ZMIZ1: variants seen among roughly 807,000 people sequenced by gnomAD.
ZMIZ1 encodes the protein zinc finger MIZ-type containing 1, also known as zinc finger MIZ domain-containing protein 1.
Under a neutral mutation model 113.9 loss-of-function variants are expected in ZMIZ1, and 17 were observed. The observed-to-expected ratio is 0.15, with a 90% CI of 0.10 to 0.22. The LOEUF is 0.22. ZMIZ1 is among the 10% of genes least tolerant of loss of function. The pLI is 1.00. For synonymous variants in ZMIZ1, 607 were observed against 603.1 expected, an observed-to-expected ratio of 1.01 and a Z score of -0.09; for missense variants, 1,059 against 1,477.8, an observed-to-expected ratio of 0.72 and a Z score of 4.65.
intron 6 of ZMIZ1, among the ~76,000 whole-genome samples, chr10:79,213,594 T>C (rs1848606464): frequency 6.6e-6 from 1 of 152,212 alleles, no homozygotes; most frequent in South Asian, 2.1e-4. Flanking sequence ...TATTTTTTCC[T>C]TTTTAACTAG....
At chr10:79,208,049 G>A (rs1372133343) in intron 5 of ZMIZ1, among the ~76,000 whole-genome samples, 2 of 149,998 alleles carry the variant, frequency 1.3e-5, no homozygotes, top group Admixed American at 6.6e-5. Flanking sequence ...GGGTGGGGAT[G>A]GGGGTAGAGG....
intron 12 of ZMIZ1, 136 bp downstream of exon 12, chr10:79,293,789 T>A: frequency 7.3e-7 from 1 of 1,361,802 alleles, no homozygotes; most frequent in Non-Finnish European, 1.0e-6. Flanking sequence ...GGCTTAGGGG[T>A]CAGGTGCTCC....
chr10:79,278,010 C>T (rs763872073), intron 8 of ZMIZ1, among the ~76,000 whole-genome samples: 22 of 152,238 alleles, frequency 1.4e-4, no homozygotes, highest in Non-Finnish European at 2.8e-4. Flanking sequence ...TCAGGAGGGT[C>T]ATTTGCAGTC....
intron 3 of ZMIZ1, among the ~76,000 whole-genome samples, chr10:79,146,945 CGTGT>C (rs66763458): frequency 0.027 from 3,762 of 137,296 alleles, 64 homozygotes; most frequent in African/African-American, 0.055. Flanking sequence ...GTGTAGTGTA[CGTGT>C]GTGTGTGTGT....
intron 1 of ZMIZ1, among the ~76,000 whole-genome samples, chr10:79,075,576 C>CACAT (rs1554846540): frequency 0.015 from 2,203 of 149,376 alleles, 26 homozygotes; most frequent in African/African-American, 0.021. Flanking sequence ...CATGCACACA[C>CACAT]ATGCACACAT....
intron 4 of ZMIZ1, among the ~76,000 whole-genome samples, chr10:79,180,509 C>G (rs1847072630): frequency 6.6e-6 from 1 of 152,200 alleles, no homozygotes; most frequent in Non-Finnish European, 1.5e-5. Flanking sequence ...CCAGGGCTTG[C>G]ATCTGAGGGC....
rs2997468 is a variant in ZMIZ1 at position 79,314,006 on chromosome 10, G to C, written c.*1257G>C. On this transcript the variant is annotated 3_prime_UTR_variant, in exon 25 of 25. Coordinates refer to ENST00000334512, the MANE Select transcript of ZMIZ1 (RefSeq NM_020338.4). ...TGCACCAGTATGTACCTGCAGGCAT[G>C]GGGGGGAGGGGGGCGTGTTTCTGGG... 201,913 of 455,350 alleles carry C rather than the reference G, an allele frequency of 0.44. 47,557 individuals carry two copies. The highest frequency in any genetic ancestry group is 0.67 in the African/African-American group (33,357 of 50,118). 28.2% of individuals were successfully genotyped at this position (455,350 alleles called of 1,614,324 possible). A position where few individuals can be genotyped will look rare whatever the true frequency, so the allele number is the denominator to read the frequency against.
intron 1 of ZMIZ1, among the ~76,000 whole-genome samples, chr10:79,082,180 G>C (rs1162681818): frequency 6.7e-6 from 1 of 149,098 alleles, no homozygotes; most frequent in Admixed American, 6.8e-5. Flanking sequence ...TTTCGGCTCT[G>C]GCTGTGCCCA....
intron 3 of ZMIZ1, among the ~76,000 whole-genome samples, chr10:79,146,950 G>A (rs1179383568): frequency 8.3e-6 from 1 of 120,606 alleles, no homozygotes; most frequent in Non-Finnish European, 1.8e-5. Context: ...GTGTACGTGT[G>A]TGTGTGTGTG....
chr10:79,106,326 T>G (rs1843557253), intron 1 of ZMIZ1, among the ~76,000 whole-genome samples: 1 of 152,228 alleles, frequency 6.6e-6, no homozygotes. Flanking sequence ...AGGTTTTGTC[T>G]TATGCTCTGC....
intron 8 of ZMIZ1, among the ~76,000 whole-genome samples, chr10:79,282,957 AC>A (rs1852832973): frequency 1.3e-5 from 2 of 152,220 alleles, no homozygotes. Flanking sequence ...CCCTGCAGTG[AC>A]CTGGACTTGA....
intron 7 of ZMIZ1, among the ~76,000 whole-genome samples, chr10:79,230,867 A>G (rs571211958): frequency 6.6e-6 from 1 of 152,336 alleles, no homozygotes; most frequent in Non-Finnish European, 1.5e-5. Context: ...CTGTGGGAGG[A>G]GAAAAACAAA....
At chr10:79,123,975 G>A (rs979167657) in intron 2 of ZMIZ1, among the ~76,000 whole-genome samples, 2 of 152,226 alleles carry the variant, frequency 1.3e-5, no homozygotes, top group African/African-American at 4.8e-5. Flanking sequence ...TGAAATCTGT[G>A]GCCTGCAGCC....
chr10:79,293,682 T>C, intron 12 of ZMIZ1, 29 bp downstream of exon 12: 1 of 1,612,858 alleles, frequency 6.2e-7, no homozygotes, highest in Non-Finnish European at 8.5e-7. Context: ...GCCTGGGAGG[T>C]GGGAACTGGG....
chr10:79,206,735 G>A lies in ZMIZ1; in HGVS notation c.61-1601G>A, dbSNP rs533162044. 5.9e-5 allele frequency among the ~76,000 whole-genome samples: 9 copies of A among 152,314 alleles called. No homozygotes were observed. The South Asian group carries it at 6.2e-4, about 11-fold the overall frequency. Reference sequence around the variant, plus strand: ...GCAGCCCCACATGGGAGCACCCCACGCGCCAGGCACTTTGCCAGGGGCTGT... The same window carrying A: ...GCAGCCCCACATGGGAGCACCCCACACGCCAGGCACTTTGCCAGGGGCTGT... On this transcript the variant is annotated intron_variant, in intron 5 of 24. Coordinates refer to ENST00000334512, the MANE Select transcript of ZMIZ1 (RefSeq NM_020338.4).
intron 8 of ZMIZ1, among the ~76,000 whole-genome samples, chr10:79,282,844 G>A (rs575588682): frequency 2.6e-5 from 4 of 152,334 alleles, no homozygotes; most frequent in Admixed American, 1.3e-4. Flanking sequence ...TGGGGCTGCC[G>A]TCTATACTCA....
At chr10:79,148,042 G>A (rs934988798) in intron 3 of ZMIZ1, among the ~76,000 whole-genome samples, 1 of 152,238 alleles carries the variant, frequency 6.6e-6, no homozygotes, top group Non-Finnish European at 1.5e-5. Flanking sequence ...TGGGGGCCTG[G>A]AGGAGGAGGG....
intron 6 of ZMIZ1, among the ~76,000 whole-genome samples, chr10:79,215,547 C>T (rs1848690060): frequency 6.6e-6 from 1 of 152,216 alleles, no homozygotes; most frequent in Admixed American, 6.5e-5. Flanking sequence ...GATCCACCTG[C>T]CTCAGCCTCC....
intron 4 of ZMIZ1, among the ~76,000 whole-genome samples, chr10:79,184,553 C>A (rs1327379064): frequency 6.6e-6 from 1 of 152,204 alleles, no homozygotes; most frequent in African/African-American, 2.4e-5. Context: ...AATGCAATCA[C>A]CCGCCCCCTC....
Sources: gnomAD v4.1 joint callset for allele counts (sites outside exome capture counted in the v4.1 genomes callset) on GRCh38, gnomAD v4.1.1 for gene constraint, MANE v1.5 for transcripts, NCBI Gene and HGNC (gene_info 2026-07-23, HGNC 2026-07-21) for gene names.